ITSN1: variants seen among roughly 807,000 people sequenced by gnomAD.
ITSN1 encodes intersectin 1.
ITSN1 carries 58 observed loss-of-function variants against 239.8 expected under a neutral mutation model. That is an observed-to-expected ratio of 0.24 (90% confidence interval 0.20 to 0.30). The LOEUF is 0.30. Ranked by LOEUF, ITSN1 falls within the 10% of genes least tolerant of loss-of-function variation. ITSN1 has a pLI of 1.00. For missense variants in ITSN1, 1,558 were observed against 2,103.3 expected (o/e 0.74, Z 5.07); for synonymous variants, 780 against 770.8 (o/e 1.01, Z -0.20).
At chr21:33,731,006 T>G (rs1601887610) in intron 4 of ITSN1, among the ~76,000 whole-genome samples, 1 of 152,358 alleles carries the variant, frequency 6.6e-6, no homozygotes, top group East Asian at 1.9e-4. Context: ...GTAACTACCA[T>G]ATTTCCATAA....
intron 3 of ITSN1, among the ~76,000 whole-genome samples, chr21:33,721,654 G>A (rs1188390442): frequency 6.6e-6 from 1 of 151,610 alleles, no homozygotes. Flanking sequence ...AATTAGCTGG[G>A]TGTCGTGGTG....
At chr21:33,788,039 A>G (rs2070806149) in intron 16 of ITSN1, among the ~76,000 whole-genome samples, 1 of 152,108 alleles carries the variant, frequency 6.6e-6, no homozygotes, top group African/African-American at 2.4e-5. Flanking sequence ...ATAATTTGGG[A>G]AAGGGTTAAG....
chr21:33,838,960 G>A (rs2074731352), intron 29 of ITSN1, among the ~76,000 whole-genome samples: 5 of 152,248 alleles, frequency 3.3e-5, no homozygotes, highest in Admixed American at 3.3e-4. Context: ...ACACTTTGCA[G>A]AAATAAACCA....
At chr21:33,863,302 G>A (rs150957333) in intron 31 of ITSN1, among the ~76,000 whole-genome samples, 83 of 152,338 alleles carry the variant, frequency 5.4e-4, no homozygotes, top group Admixed American at 2.0e-3. Context: ...ATCACTGTCT[G>A]CAGATGCTCT....
Position 33,890,090 on chromosome 21 carries a change from A to G in ITSN1, c.*1790A>G, listed in dbSNP as rs1986258090. 2 of 152,252 alleles carry G rather than the reference A, an allele frequency of 1.3e-5. No individual in the cohort carries two copies. The allele number at this position is 152,252 out of a possible 1,614,324, so 9.4% of individuals were successfully genotyped here. The stretch of plus-strand genomic sequence containing the variant: ...GGCATGCATTTGTTTACCATTTCCC[A>G]GCAGAAAACATGGTTAAAATACTTT... On this transcript the variant is annotated 3_prime_UTR_variant, in exon 40 of 40. Transcript: ENST00000381318.
Position 33,888,269 on chromosome 21 carries a change from G to A in ITSN1, c.5135G>A (p.Arg1712His), listed in dbSNP as rs770392198. Residue 1712 changes from arginine (R) to histidine (H), a missense_variant, in exon 40 of 40, where the codon CGC (arginine) becomes CAC (histidine). Coordinates refer to ENST00000381318, the MANE Select transcript of ITSN1 (RefSeq NM_003024.3). ...GTCCCCACGGGAGAGATTGTGGTCC[G>A]CTTGGACCTGCAGTTGTTTGATGAG... Reference protein sequence around the residue: ...HEVPTGEIVVRLDLQLFDEP With the variant: ...HEVPTGEIVVHLDLQLFDEP 5.0e-6 allele frequency: 8 copies of A among 1,613,846 alleles called. No individual in the cohort carries two copies. The highest frequency in any genetic ancestry group is 2.2e-5 in the South Asian group (2 of 91,050).
At chr21:33,807,145 G>A (rs1433999914) in intron 20 of ITSN1, among the ~76,000 whole-genome samples, 1 of 152,178 alleles carries the variant, frequency 6.6e-6, no homozygotes, top group African/African-American at 2.4e-5. Flanking sequence ...AGATTTCTTT[G>A]CTTAAAAGTG....
intron 14 of ITSN1, among the ~76,000 whole-genome samples, chr21:33,775,906 G>T (rs2069562998): frequency 6.6e-6 from 1 of 152,128 alleles, no homozygotes; most frequent in East Asian, 1.9e-4. Context: ...ACCTGGTTTG[G>T]TATCAAGTGC....
intron 22 of ITSN1, among the ~76,000 whole-genome samples, chr21:33,815,223 G>A (rs1404332230): frequency 6.6e-6 from 1 of 152,180 alleles, no homozygotes; most frequent in Non-Finnish European, 1.5e-5. Context: ...GGTCATCCAA[G>A]GAGAGGGAAT....
intron 5 of ITSN1, among the ~76,000 whole-genome samples, chr21:33,746,991 T>C (rs1336576672): frequency 6.6e-6 from 1 of 152,236 alleles, no homozygotes; most frequent in South Asian, 2.1e-4. Flanking sequence ...CCGTCTCTAC[T>C]AAAAATGCAG....
At chr21:33,729,446 T>TCAAA (rs1176875992) in intron 4 of ITSN1, among the ~76,000 whole-genome samples, 3 of 149,406 alleles carry the variant, frequency 2.0e-5, no homozygotes, top group Non-Finnish European at 4.4e-5. Flanking sequence ...AGACCCTGTC[T>TCAAA]CAAACAAACA....
At chr21:33,735,340 C>T (rs777362628) in intron 5 of ITSN1, 136 bp downstream of exon 5, 5 of 878,102 alleles carry the variant, frequency 5.7e-6, no homozygotes, top group Non-Finnish European at 5.6e-6. Context: ...TGGCCCCCTG[C>T]AGGAAGATAG....
At chr21:33,860,951 A>G (rs1267385727) in intron 31 of ITSN1, among the ~76,000 whole-genome samples, 1 of 152,146 alleles carries the variant, frequency 6.6e-6, no homozygotes, top group South Asian at 2.1e-4. Flanking sequence ...TGATGTGTAC[A>G]GGGGCTGCTG....
At position 33,895,078 on chromosome 21, in the gene ITSN1, G is replaced by A. The variant is rs1986624463; in HGVS notation, c.*6778G>A. 6.6e-6 allele frequency: 1 copy of A among 152,356 alleles called. No individual in the cohort carries two copies. The highest frequency in any genetic ancestry group is 2.4e-5 in the African/African-American group (1 of 41,442). 9.4% of individuals were successfully genotyped at this position (152,356 alleles called of 1,614,324 possible). A position where few individuals can be genotyped will look rare whatever the true frequency, so the allele number is the denominator to read the frequency against. ...TGGGCCTGGCAGAGACCGAAGGCTGGGTGGGAAGGAAGCTCGCGGCGAGCC... is the reference window on the plus strand; with the variant it reads ...TGGGCCTGGCAGAGACCGAAGGCTGAGTGGGAAGGAAGCTCGCGGCGAGCC... On this transcript the variant is annotated 3_prime_UTR_variant, in exon 40 of 40. Coordinates refer to ENST00000381318, the MANE Select transcript of ITSN1 (RefSeq NM_003024.3).
intron 27 of ITSN1, among the ~76,000 whole-genome samples, chr21:33,832,773 C>G (rs1018256375): frequency 6.6e-6 from 1 of 152,196 alleles, no homozygotes; most frequent in African/African-American, 2.4e-5. Flanking sequence ...AAAGGGAAAC[C>G]TGCTCTGTGT....
intron 11 of ITSN1, among the ~76,000 whole-genome samples, chr21:33,768,894 T>G (rs2068911141): frequency 6.6e-6 from 1 of 152,242 alleles, no homozygotes; most frequent in Non-Finnish European, 1.5e-5. Flanking sequence ...AATCTAAATG[T>G]TAATACATGG....
intron 36 of ITSN1, among the ~76,000 whole-genome samples, chr21:33,884,687 C>T (rs1985493025): frequency 1.3e-5 from 2 of 152,174 alleles, no homozygotes; most frequent in Admixed American, 6.5e-5. Context: ...ATTTCATAAG[C>T]GAGATCCTTC....
At chr21:33,724,689 C>A (rs2065710061) in intron 4 of ITSN1, among the ~76,000 whole-genome samples, 1 of 152,146 alleles carries the variant, frequency 6.6e-6, no homozygotes, top group Non-Finnish European at 1.5e-5. Flanking sequence ...TAGCAATGAA[C>A]AAAATAGACA....
chr21:33,697,306 TCCTAA>T (rs1475168032), intron 1 of ITSN1, among the ~76,000 whole-genome samples: 1 of 144,916 alleles, frequency 6.9e-6, no homozygotes, highest in Non-Finnish European at 1.5e-5. Flanking sequence ...GGTCTCAAAC[TCCTAA>T]CCTCAGGTGA....
Sources: allele counts gnomAD v4.1 joint callset (sites outside exome capture counted in the v4.1 genomes callset), GRCh38; gene constraint gnomAD v4.1.1; transcripts MANE v1.5; gene names NCBI Gene and HGNC (gene_info 2026-07-23, HGNC 2026-07-21).